The following GLCCI1 variants were observed in gnomAD, a reference collection of about 807,000 sequenced individuals.
GLCCI1 encodes the protein glucocorticoid induced 1.
In GLCCI1, 24 loss-of-function variants were observed where a neutral mutation model predicts 52.2. That is an observed-to-expected ratio of 0.46 (90% CI 0.33 to 0.65). The LOEUF is 0.65. Among genes scored for constraint, GLCCI1 ranks in the 30% least tolerant of loss-of-function variants. The probability of loss-of-function intolerance (pLI) is 0.02; values close to 1 mark genes in which losing one functional copy is unlikely to be tolerated. For missense variants in GLCCI1, 704 were observed against 701.5 expected (o/e 1.00, Z -0.04); for synonymous variants, 310 against 276.5 (o/e 1.12, Z -1.20).
At chr7:8,023,588 C>CTTTTGTTTTTTTTTTT (rs1781544281) in intron 3 of GLCCI1, among the ~76,000 whole-genome samples, 1 of 41,984 alleles carries the variant, frequency 2.4e-5, no homozygotes, top group Non-Finnish European at 4.3e-5. Context: ...CTCTGTTATT[C>CTTTTGTTTTTTTTTTT]TTTTTTTTTT....
intron 2 of GLCCI1, among the ~76,000 whole-genome samples, chr7:8,015,036 A>G (rs1781348303): frequency 6.6e-6 from 1 of 152,180 alleles, no homozygotes; most frequent in African/African-American, 2.4e-5. Flanking sequence ...TTTCCCTAGA[A>G]ATCTATTTGT....
intron 1 of GLCCI1, among the ~76,000 whole-genome samples, chr7:7,978,096 C>G (rs538913952): frequency 2.0e-5 from 3 of 152,102 alleles, no homozygotes; most frequent in Non-Finnish European, 4.4e-5. Flanking sequence ...TGTAAGTATC[C>G]CCAGTAATTA....
At chr7:8,025,544 A>G (rs1301438320) in intron 3 of GLCCI1, among the ~76,000 whole-genome samples, 2 of 152,188 alleles carry the variant, frequency 1.3e-5, no homozygotes, top group African/African-American at 4.8e-5. Context: ...CAGAGAGGAA[A>G]AAAAAATTAA....
chr7:8,083,698 T>C (rs970318709), intron 6 of GLCCI1, among the ~76,000 whole-genome samples: 5 of 152,152 alleles, frequency 3.3e-5, no homozygotes, highest in Non-Finnish European at 2.9e-5. Flanking sequence ...GCTTTCCCAA[T>C]AGTATAACGT....
intron 1 of GLCCI1, among the ~76,000 whole-genome samples, chr7:7,975,150 C>T (rs543250525): frequency 1.3e-5 from 2 of 152,234 alleles, no homozygotes; most frequent in Admixed American, 6.5e-5. Flanking sequence ...CATCATTTGG[C>T]TATTCTGGAA....
intron 3 of GLCCI1, among the ~76,000 whole-genome samples, chr7:8,053,315 GTTT>G (rs71014751): frequency 1.0e-3 from 136 of 129,794 alleles, no homozygotes; most frequent in South Asian, 2.1e-3. Context: ...TTTTGTTTTC[GTTT>G]TTTTTTTTGT....
chr7:7,977,712 G>A (rs1780524055), intron 1 of GLCCI1, among the ~76,000 whole-genome samples: 1 of 152,198 alleles, frequency 6.6e-6, no homozygotes, highest in African/African-American at 2.4e-5. Context: ...AAGTTTATTA[G>A]ACTAGATGAT....
At chr7:8,075,184 A>T (rs138003417) in intron 6 of GLCCI1, among the ~76,000 whole-genome samples, 1 of 152,000 alleles carries the variant, frequency 6.6e-6, no homozygotes, top group African/African-American at 2.4e-5. Flanking sequence ...GCCTGTATGG[A>T]TTGTAATGCC....
intron 5 of GLCCI1, among the ~76,000 whole-genome samples, chr7:8,061,576 A>G (rs1489048897): frequency 6.7e-6 from 1 of 150,034 alleles, no homozygotes; most frequent in Non-Finnish European, 1.5e-5. Context: ...TCAACATTTC[A>G]TGTTAAGTTT....
At chr7:8,073,332 C>T (rs1782805297) in intron 6 of GLCCI1, among the ~76,000 whole-genome samples, 1 of 152,098 alleles carries the variant, frequency 6.6e-6, no homozygotes, top group Non-Finnish European at 1.5e-5. Flanking sequence ...TCAAAACCTC[C>T]TTCCCTAGCC....
In GLCCI1 at chr7:8,086,379, G is replaced by A; in HGVS notation, c.1485G>A (p.Glu495=). ...QSSALATLTV[E]QLSSRVSFTS... ...CAGCTTTGGCAACTCTGACCGTTGA[G>A]CAGCTCTCATCCCGGGTTTCCTTTA... The change falls in exon 8 of 8, where the codon GAG becomes GAA. Residue 495 remains glutamate, a synonymous_variant. Transcript: ENST00000223145. The surrounding 1 kb of genome is among the most constrained non-coding windows in gnomAD (Gnocchi z 4.4). 6.2e-7 allele frequency: 1 copy of A among 1,614,130 alleles called. No homozygotes were observed. The highest frequency in any genetic ancestry group is 8.5e-7 in the Non-Finnish European group (1 of 1,180,038).
chr7:8,051,431 A>T (rs1047080684), intron 3 of GLCCI1, among the ~76,000 whole-genome samples: 11 of 152,194 alleles, frequency 7.2e-5, no homozygotes, highest in Non-Finnish European at 1.2e-4. Flanking sequence ...TGGGCATGTC[A>T]TTCATTTCTG....
Position 8,055,518 on chromosome 7 carries a change from A to G in GLCCI1, c.782A>G (p.His261Arg), listed in dbSNP as rs1782367283. The change falls in exon 4 of 8, where the codon CAT becomes CGT. Residue 261 changes from histidine (H) to arginine (R), a missense_variant. By Grantham distance (29) the His-to-Arg change is conservative. This residue lies in a region of GLCCI1 where 547 missense variants were observed against 524.8 expected (regional missense o/e 1.04). Transcript: ENST00000223145. The stretch of plus-strand genomic sequence containing the variant: ...GAGAAAGATCGCCAGTCACCTCTTC[A>G]TGGCAACCATATAACAATCAGTCAC... Reference protein sequence around the residue: ...SKEKDRQSPLHGNHITISHTQ... With the variant: ...SKEKDRQSPLRGNHITISHTQ... 3 of 1,611,732 alleles carry G rather than the reference A, an allele frequency of 1.9e-6. No homozygotes were observed. Among genetic ancestry groups the G allele is most frequent in the Middle Eastern group, 1.6e-4 (1 of 6,080 alleles).
At chr7:8,013,333 TAA>T (rs1486435921) in intron 2 of GLCCI1, among the ~76,000 whole-genome samples, 1 of 152,236 alleles carries the variant, frequency 6.6e-6, no homozygotes, top group East Asian at 1.9e-4. Flanking sequence ...TAACAGTTGA[TAA>T]AGAGTTTATC....
intron 1 of GLCCI1, among the ~76,000 whole-genome samples, chr7:7,992,645 T>G (rs1033075656): frequency 6.6e-6 from 1 of 152,056 alleles, no homozygotes; most frequent in Non-Finnish European, 1.5e-5. Flanking sequence ...AAAATTATAG[T>G]TTTTAGTATT....
At chr7:8,037,334 C>T (rs1317881789) in intron 3 of GLCCI1, among the ~76,000 whole-genome samples, 1 of 152,146 alleles carries the variant, frequency 6.6e-6, no homozygotes, top group Non-Finnish European at 1.5e-5. Context: ...ATTTCCCAGA[C>T]ACGTGAATGC....
At chr7:8,039,089 A>G (rs755239796) in intron 3 of GLCCI1, among the ~76,000 whole-genome samples, 3 of 152,190 alleles carry the variant, frequency 2.0e-5, no homozygotes, top group Non-Finnish European at 4.4e-5. Flanking sequence ...CAGAATGACT[A>G]TTAAAAAGTC....
At chr7:8,056,635 G>A (rs1377104476) in intron 4 of GLCCI1, among the ~76,000 whole-genome samples, 1 of 152,154 alleles carries the variant, frequency 6.6e-6, no homozygotes, top group Non-Finnish European at 1.5e-5. Context: ...AGATAAGGAT[G>A]ATTCAACATT....
At chr7:8,014,509 T>C (rs1244203767) in intron 2 of GLCCI1, among the ~76,000 whole-genome samples, 2 of 152,266 alleles carry the variant, frequency 1.3e-5, no homozygotes, top group Non-Finnish European at 1.5e-5. Context: ...TATATTTGTT[T>C]ATTATTCAGC....
Sources: gnomAD v4.1 joint callset for allele counts (sites outside exome capture counted in the v4.1 genomes callset) on GRCh38, gnomAD v4.1.1 for gene constraint, gnomAD v4.1.1 regional missense constraint, Gnocchi (gnomAD v3.1) non-coding constraint, MANE v1.5 for transcripts, NCBI Gene and HGNC (gene_info 2026-07-23, HGNC 2026-07-21) for gene names.